The following LRP11 variants were observed in gnomAD, a reference collection of about 807,000 sequenced individuals.
The protein encoded by LRP11 is low-density lipoprotein receptor-related protein 11.
Under a neutral mutation model 43.1 loss-of-function variants are expected in LRP11, and 25 were observed. The ratio of observed to expected loss-of-function variants is 0.58; its 90% CI spans 0.42 to 0.81. The LOEUF is 0.81. Among genes scored for constraint, LRP11 ranks in the 30% least tolerant of loss-of-function variants. The pLI is 0.00. For missense variants in LRP11, 623 were observed against 665.1 expected (o/e 0.94, Z 0.70); for synonymous variants, 316 against 299.4 (o/e 1.06, Z -0.57).
chr6:149,851,779 G>A (rs1294132905), intron 2 of LRP11, among the ~76,000 whole-genome samples: 2 of 152,162 alleles, frequency 1.3e-5, no homozygotes, highest in Non-Finnish European at 2.9e-5. Context: ...GATGCTGGGT[G>A]TATTAGTCCA....
intron 3 of LRP11, among the ~76,000 whole-genome samples, chr6:149,838,186 T>C (rs531474172): frequency 6.6e-6 from 1 of 152,006 alleles, no homozygotes; most frequent in South Asian, 2.1e-4. Context: ...CCCAAAGTGC[T>C]GGGATTACAG....
At chr6:149,843,776 C>T (rs552990205) in intron 2 of LRP11, among the ~76,000 whole-genome samples, 3 of 152,198 alleles carry the variant, frequency 2.0e-5, no homozygotes, top group African/African-American at 4.8e-5. Context: ...CCCATCTCCA[C>T]TTGGCTCCCT....
chr6:149,853,301 T>A, intron 1 of LRP11, 141 bp from the exon 2 acceptor site: 1 of 703,852 alleles, frequency 1.4e-6, no homozygotes, highest in Non-Finnish European at 2.2e-6. Context: ...TATTTTTCTA[T>A]TTATTTTATG....
At chr6:149,854,782 G>C (rs558028067) in intron 1 of LRP11, among the ~76,000 whole-genome samples, 2 of 152,044 alleles carry the variant, frequency 1.3e-5, no homozygotes, top group African/African-American at 4.8e-5. Context: ...TCCTGCTTTC[G>C]AGCCCATCAC....
At chr6:149,857,658 C>G (rs1776820978) in intron 1 of LRP11, among the ~76,000 whole-genome samples, 2 of 152,250 alleles carry the variant, frequency 1.3e-5, no homozygotes, top group South Asian at 2.1e-4. Flanking sequence ...ATTATAAAAC[C>G]TAAGTTCAGT....
chr6:149,832,223 ACT>A (rs1163545987), intron 5 of LRP11, among the ~76,000 whole-genome samples: 1 of 125,144 alleles, frequency 8.0e-6, no homozygotes, highest in African/African-American at 3.4e-5. Flanking sequence ...ACTGAGTCTC[ACT>A]CTGTCACCTG....
chr6:149,858,523 T>C (rs546951082), intron 1 of LRP11, among the ~76,000 whole-genome samples: 2 of 152,368 alleles, frequency 1.3e-5, no homozygotes, highest in South Asian at 4.1e-4. Context: ...CATGTGTCTT[T>C]ATAGTAGCAT....
chr6:149,823,433 GGA>G (rs1335448827), intron 6 of LRP11, among the ~76,000 whole-genome samples: 5 of 152,154 alleles, frequency 3.3e-5, no homozygotes, highest in Non-Finnish European at 7.3e-5. Context: ...GCCAGATCAG[GGA>G]GAGACCTTGG....
chr6:149,844,945 T>C (rs1383088337), intron 2 of LRP11, among the ~76,000 whole-genome samples: 1 of 152,148 alleles, frequency 6.6e-6, no homozygotes, highest in African/African-American at 2.4e-5. Flanking sequence ...TCAGAGTCAG[T>C]GGGTTGGTCA....
intron 5 of LRP11, among the ~76,000 whole-genome samples, chr6:149,834,147 G>A (rs1199569458): frequency 2.6e-5 from 4 of 152,056 alleles, no homozygotes; most frequent in African/African-American, 7.2e-5. Context: ...CTGTTCCTGC[G>A]TTAGTTTGCT....
chr6:149,851,803 A>G (rs1776723250), intron 2 of LRP11, among the ~76,000 whole-genome samples: 1 of 152,192 alleles, frequency 6.6e-6, no homozygotes, highest in South Asian at 2.1e-4. Flanking sequence ...TCACACTGCT[A>G]CAAAGAACTG....
intron 3 of LRP11, among the ~76,000 whole-genome samples, chr6:149,841,277 C>G (rs530141133): frequency 6.6e-6 from 1 of 152,284 alleles, no homozygotes; most frequent in African/African-American, 2.4e-5. Flanking sequence ...CTTTTATCCT[C>G]ATTCTGCACT....
intron 2 of LRP11, chr6:149,852,378 G>A (rs761748160): frequency 1.3e-5 from 2 of 152,210 alleles, no homozygotes; most frequent in Admixed American, 6.5e-5. Flanking sequence ...TCCACCCTGA[G>A]AGGGTGAATA....
chr6:149,850,807 A>G (rs1776707335), intron 2 of LRP11, among the ~76,000 whole-genome samples: 1 of 152,190 alleles, frequency 6.6e-6, no homozygotes, highest in Non-Finnish European at 1.5e-5. Flanking sequence ...AGGATCCACT[A>G]ACCAACCCAG....
chr6:149,842,645 C>T (rs200303257), intron 3 of LRP11: 73 of 1,551,080 alleles, frequency 4.7e-5, no homozygotes, highest in Non-Finnish European at 6.0e-5. Flanking sequence ...TAGCTTCCCT[C>T]TTGGAACAGA....
intron 2 of LRP11, among the ~76,000 whole-genome samples, chr6:149,851,955 G>A (rs1228190560): frequency 1.3e-5 from 2 of 152,138 alleles, no homozygotes; most frequent in Admixed American, 6.5e-5. Context: ...AAGGTGGCAG[G>A]AGAAACAACC....
rs997835575 is a variant in LRP11, at chr6:149,819,745, G to A, written c.*804C>T. ...TGTGCTCTCACCATGGAGCAGTGTT[G>A]ATTTGATGTAATGAAGTATTAAACG... On this transcript the variant is annotated 3_prime_UTR_variant, in exon 7 of 7. Coordinates refer to ENST00000239367, the MANE Select transcript of LRP11 (RefSeq NM_032832.6). 6.6e-6 allele frequency: 1 copy of A among 152,082 alleles called. No individual in the cohort carries two copies. Among genetic ancestry groups the A allele is most frequent in the Non-Finnish European group, 1.5e-5 (1 of 68,012 alleles). The allele number at this position is 152,082 out of a possible 1,614,324, so 9.4% of individuals were successfully genotyped here.
chr6:149,837,679 TG>T (rs2115385603), intron 3 of LRP11, among the ~76,000 whole-genome samples: 1 of 152,262 alleles, frequency 6.6e-6, no homozygotes, highest in East Asian at 1.9e-4. Flanking sequence ...CAGGGGCTCT[TG>T]GTCTGAGGGC....
chr6:149,858,699 G>A (rs942328469), intron 1 of LRP11, among the ~76,000 whole-genome samples: 1 of 152,064 alleles, frequency 6.6e-6, no homozygotes, highest in African/African-American at 2.4e-5. Context: ...GTATATTCCT[G>A]TTATTGATAT....
Sources: gnomAD v4.1 joint callset for allele counts (sites outside exome capture counted in the v4.1 genomes callset) on GRCh38, gnomAD v4.1.1 for gene constraint, MANE v1.5 for transcripts, NCBI Gene and HGNC (gene_info 2026-07-23, HGNC 2026-07-21) for gene names.